ZNF678: variants seen among roughly 807,000 people sequenced by gnomAD.
The protein encoded by ZNF678 is zinc finger protein 678.
ZNF678 carries 5 observed loss-of-function variants against 3.0 expected under a neutral mutation model. The ratio of observed to expected loss-of-function variants is 1.69; its 90% CI spans 0.88 to 3.56. The LOEUF (loss-of-function observed/expected upper bound fraction) is 3.56. Ranked by LOEUF, ZNF678 falls within the 30% of genes most tolerant of loss-of-function variation. ZNF678 has a pLI of 0.00. For synonymous variants in ZNF678, 218 were observed against 199.6 expected (o/e 1.09, Z -0.78); for missense variants, 593 against 605.0 (o/e 0.98, Z 0.21).
chr1:227,579,351 A>G (rs1042278256), intron 1 of ZNF678, among the ~76,000 whole-genome samples: 25 of 151,958 alleles, frequency 1.6e-4, no homozygotes, highest in Non-Finnish European at 2.1e-4. Flanking sequence ...ACAAGCACAG[A>G]TTGCTCAGGA....
At position 227,590,955 on chromosome 1, in the gene ZNF678, G is replaced by A. The variant is rs1009697819; in HGVS notation, c.-164+27231G>A. ...GTGATCAGGGTGATTCTTTTGGGCC[G>A]GGAATTCATTCAGGAACTGGGTCTG... On this transcript the variant is annotated intron_variant, in intron 1 of 3. Coordinates refer to ENST00000343776, the MANE Select transcript of ZNF678 (RefSeq NM_001367909.1). Among the ~76,000 whole-genome samples the A allele has an allele frequency of 2.3e-4, 35 of 151,676 alleles. 1 individual carries two copies. The highest frequency in any genetic ancestry group is 8.0e-4 in the African/African-American group (33 of 41,134).
chr1:227,585,997 G>C (rs1193328203), intron 1 of ZNF678, among the ~76,000 whole-genome samples: 1 of 152,082 alleles, frequency 6.6e-6, no homozygotes, highest in African/African-American at 2.4e-5. Flanking sequence ...ATTTACTACA[G>C]TATGGTATTC....
intron 1 of ZNF678, among the ~76,000 whole-genome samples, chr1:227,583,831 G>C (rs1176816522): frequency 6.6e-6 from 1 of 152,122 alleles, no homozygotes; most frequent in African/African-American, 2.4e-5. Context: ...GGATTCAATT[G>C]CATAGGCATG....
chr1:227,673,028 C>G (rs1219891688), intron 5 of ZNF678, among the ~76,000 whole-genome samples: 1 of 152,158 alleles, frequency 6.6e-6, no homozygotes, highest in African/African-American at 2.4e-5. Context: ...GGCCCAGTCC[C>G]CATGCCTGTA....
At chr1:227,598,760 CT>C in intron 1 of ZNF678, 1 of 530,078 alleles carries the variant, frequency 1.9e-6, no homozygotes, top group East Asian at 4.3e-5. Flanking sequence ...GTCAACGGTT[CT>C]TTTTCTTTCT....
chr1:227,610,150 A>G (rs1298033145), intron 1 of ZNF678, among the ~76,000 whole-genome samples: 2 of 152,156 alleles, frequency 1.3e-5, no homozygotes, highest in African/African-American at 2.4e-5. Flanking sequence ...CTCTTATTCT[A>G]CTTTTTCAAA....
At chr1:227,649,306 C>T (rs1050165710) in intron 2 of ZNF678, among the ~76,000 whole-genome samples, 5 of 152,148 alleles carry the variant, frequency 3.3e-5, no homozygotes, top group African/African-American at 1.2e-4. Context: ...CACCAATTTA[C>T]AACTTTTAAA....
At chr1:227,564,520 T>G (rs1656618563) in intron 1 of ZNF678, among the ~76,000 whole-genome samples, 1 of 152,204 alleles carries the variant, frequency 6.6e-6, no homozygotes, top group Admixed American at 6.5e-5. Flanking sequence ...TTAAATCCAC[T>G]CCTCTGTTCT....
At chr1:227,637,238 G>A (rs760606799) in intron 1 of ZNF678, among the ~76,000 whole-genome samples, 71 of 152,334 alleles carry the variant, frequency 4.7e-4, no homozygotes, top group South Asian at 6.2e-4. Context: ...TCAGGTAAGA[G>A]CATGGCTGTG....
In ZNF678 at chr1:227,659,554, G is replaced by A. The variant is rs150067078; in HGVS notation, c.*3726G>A. 96 of 152,168 alleles carry A rather than the reference G, an allele frequency of 6.3e-4. 2 individuals are homozygous for A. The highest frequency in any genetic ancestry group is 2.0e-3 in the African/African-American group (83 of 41,532). 9.4% of individuals were successfully genotyped at this position (152,168 alleles called of 1,614,324 possible). On this transcript the variant is annotated 3_prime_UTR_variant, in exon 4 of 4. Coordinates refer to ENST00000343776, the MANE Select transcript of ZNF678 (RefSeq NM_001367909.1). The stretch of plus-strand genomic sequence containing the variant: ...CATAGAGTCCTTTGGTGACTCCCAT[G>A]TTCTGTGCTGGTTCTAGAACATGCT...
At chr1:227,568,153 T>G (rs1656743537) in intron 1 of ZNF678, among the ~76,000 whole-genome samples, 1 of 152,182 alleles carries the variant, frequency 6.6e-6, no homozygotes. Flanking sequence ...TTATGCCTAG[T>G]GTTCCATTAT....
chr1:227,564,461 A>G (rs184911355), intron 1 of ZNF678, among the ~76,000 whole-genome samples: 1 of 152,372 alleles, frequency 6.6e-6, no homozygotes, highest in Admixed American at 6.5e-5. Context: ...ACACTGCACA[A>G]GAGACTGCTT....
intron 1 of ZNF678, among the ~76,000 whole-genome samples, chr1:227,628,820 C>T (rs1373817194): frequency 6.6e-6 from 1 of 152,164 alleles, no homozygotes; most frequent in Non-Finnish European, 1.5e-5. Context: ...GGGCTAATAC[C>T]TGGCCAAATA....
At chr1:227,576,893 C>T (rs1460281769) in intron 1 of ZNF678, among the ~76,000 whole-genome samples, 2 of 152,292 alleles carry the variant, frequency 1.3e-5, no homozygotes, top group East Asian at 1.9e-4. Flanking sequence ...TCCATCTTAG[C>T]ACTGCCTTAG....
intron 1 of ZNF678, among the ~76,000 whole-genome samples, chr1:227,637,468 G>A (rs946411313): frequency 3.3e-5 from 5 of 152,206 alleles, no homozygotes; most frequent in African/African-American, 1.2e-4. Context: ...GAGGCAGGCA[G>A]GCCATCTGAG....
intron 1 of ZNF678, among the ~76,000 whole-genome samples, chr1:227,564,018 G>A (rs1047090052): frequency 1.5e-4 from 23 of 152,258 alleles, no homozygotes; most frequent in African/African-American, 5.5e-4. Flanking sequence ...CGTGGGAAGA[G>A]CTGTTCCATG....
intron 2 of ZNF678, among the ~76,000 whole-genome samples, chr1:227,646,981 G>T (rs1383201140): frequency 6.6e-6 from 1 of 152,152 alleles, no homozygotes; most frequent in Non-Finnish European, 1.5e-5. Context: ...AGTAGTATTG[G>T]GTAGTGGAGC....
intron 1 of ZNF678, among the ~76,000 whole-genome samples, chr1:227,611,733 G>A (rs1197159529): frequency 6.6e-6 from 1 of 152,172 alleles, no homozygotes; most frequent in African/African-American, 2.4e-5. Context: ...TGGGCTTTTG[G>A]TGTATGCCTG....
intron 1 of ZNF678, among the ~76,000 whole-genome samples, chr1:227,632,056 G>A (rs776387527): frequency 1.5e-4 from 23 of 152,180 alleles, no homozygotes; most frequent in Non-Finnish European, 2.9e-4. Flanking sequence ...GGGGAGTAGA[G>A]CACCTTACAC....
Sources: allele counts gnomAD v4.1 joint callset (sites outside exome capture counted in the v4.1 genomes callset), GRCh38; gene constraint gnomAD v4.1.1; transcripts MANE v1.5; gene names NCBI Gene and HGNC (gene_info 2026-07-23, HGNC 2026-07-21).